The following IFNGR2 variants were observed in gnomAD, a reference collection of about 807,000 sequenced individuals.
IFNGR2 encodes the protein interferon gamma receptor 2.
Under a neutral mutation model 41.1 loss-of-function variants are expected in IFNGR2, and 15 were observed. The observed-to-expected ratio is 0.37, with a 90% CI of 0.24 to 0.56. The LOEUF (loss-of-function observed/expected upper bound fraction) is 0.56, where lower values mean the gene tolerates loss of function less well. IFNGR2 is among the 20% of genes least tolerant of loss of function. The pLI, the probability that IFNGR2 is intolerant of heterozygous loss-of-function variation, is 0.81. For synonymous variants in IFNGR2, 161 were observed against 171.6 expected (o/e 0.94, Z 0.48); for missense variants, 362 against 415.7 (o/e 0.87, Z 1.12).
Position 33,403,435 on chromosome 21 carries a change from CTGCGCGCCCT to C in IFNGR2, c.-108_-99del. 1 of 580,218 alleles carries C rather than the reference CTGCGCGCCCT, an allele frequency of 1.7e-6. No homozygotes were observed. The highest frequency in any genetic ancestry group is 2.3e-6 in the Non-Finnish European group (1 of 442,292). 35.9% of individuals were successfully genotyped at this position (580,218 alleles called of 1,614,324 possible). On this transcript the variant is annotated 5_prime_UTR_variant, in exon 1 of 7. Coordinates refer to ENST00000290219, the MANE Select transcript of IFNGR2 (RefSeq NM_005534.4). The stretch of plus-strand genomic sequence containing the variant: ...GCTGCTGCTCGGGAAGAGGCGGGCC[CTGCGCGCCCT>C]GCGCTCGCCATGGCGGTTTGGGCGG...
chr21:33,423,463 G>A (rs2083811788), intron 3 of IFNGR2, among the ~76,000 whole-genome samples: 1 of 151,858 alleles, frequency 6.6e-6, no homozygotes, highest in Non-Finnish European at 1.5e-5. Flanking sequence ...TGCAGTCTCG[G>A]CTCACTGCAA....
At chr21:33,424,213 ATC>A (rs938302109) in intron 3 of IFNGR2, among the ~76,000 whole-genome samples, 6 of 152,040 alleles carry the variant, frequency 3.9e-5, no homozygotes, top group African/African-American at 1.5e-4. Flanking sequence ...AGGCAGGAGA[ATC>A]TCTTGAACCT....
rs121913219 is a variant in IFNGR2, at chr21:33,436,837, G to A, written c.889G>A (p.Asp297Asn). Residue 297 changes from aspartate (D) to asparagine (N), a missense_variant, in exon 7 of 7, where the codon GAC (aspartate) becomes AAC (asparagine). Coordinates refer to ENST00000290219, the MANE Select transcript of IFNGR2 (RefSeq NM_005534.4). ...IPLQIEEYLK[D>N]PTQPILEALD... ...TTCCAACCTCCTCAAGTATTTAAAA[G>A]ACCCAACTCAGCCCATCTTAGAGGC... 1.4e-5 allele frequency: 22 copies of A among 1,614,036 alleles called. No homozygotes were observed. In the African/African-American group the frequency reaches 2.8e-4, roughly 21 times the overall value.
In IFNGR2 at chr21:33,427,041, A is replaced by G. The variant is rs1384616629; in HGVS notation, c.561+9A>G. The G allele has an allele frequency of 6.2e-7, 1 of 1,608,594 alleles. No individual in the cohort carries two copies. Among genetic ancestry groups the G allele is most frequent in the Non-Finnish European group, 8.5e-7 (1 of 1,175,926 alleles). ...AAGGAGGAATCCAACAGGCAAGAGC[A>G]TCTTTCTTTTTTGTTTGGATTTTCT... On this transcript the variant is annotated intron_variant, in intron 4 of 6. Transcript: ENST00000290219.
intron 1 of IFNGR2, among the ~76,000 whole-genome samples, chr21:33,407,890 T>G (rs2083689782): frequency 7.7e-6 from 1 of 129,220 alleles, no homozygotes; most frequent in African/African-American, 2.9e-5. Flanking sequence ...CCCAAAGTGT[T>G]GGGATTACAG....
chr21:33,432,144 T>A (rs1238323765), intron 4 of IFNGR2, 33 bp from the exon 5 acceptor site: 2 of 1,605,070 alleles, frequency 1.2e-6, no homozygotes, highest in Admixed American at 3.3e-5. Context: ...GCCATGTTCA[T>A]TTACATGTGT....
At chr21:33,422,591 T>C (rs8128683) in intron 3 of IFNGR2, among the ~76,000 whole-genome samples, 3,097 of 152,056 alleles carry the variant, frequency 0.02, 110 homozygotes, top group African/African-American at 0.071. Flanking sequence ...ATAAAAAGAG[T>C]TCCTGCTGGG....
At chr21:33,416,282 A>T (rs2083752497) in intron 2 of IFNGR2, among the ~76,000 whole-genome samples, 1 of 152,220 alleles carries the variant, frequency 6.6e-6, no homozygotes, top group African/African-American at 2.4e-5. Flanking sequence ...TAGGAAAGTG[A>T]CCAATTTTAG....
chr21:33,403,129 G>A (rs1317459460), upstream of IFNGR2: 3 of 150,662 alleles, frequency 2.0e-5, no homozygotes, highest in Non-Finnish European at 4.4e-5. Flanking sequence ...TCCAGGGAAA[G>A]CCCGGGGGTC....
At position 33,403,597 on chromosome 21, in the gene IFNGR2, C is replaced by T. The variant is rs1343634209; in HGVS notation, c.54C>T (p.Ala18=). The T allele has an allele frequency of 5.1e-6, 7 of 1,370,530 alleles. No homozygotes were observed. The East Asian group carries it at 2.2e-4, about 44-fold the overall frequency. The allele number at this position is 1,370,530 out of a possible 1,614,324, so 84.9% of individuals were successfully genotyped here. The change falls in exon 1 of 7, where the codon GCC becomes GCT. Residue 18 remains alanine, a synonymous_variant. Coordinates refer to ENST00000290219, the MANE Select transcript of IFNGR2 (RefSeq NM_005534.4). ...SLLLLLGVFA[A]AAAAPPDPLS... is the part of the protein sequence containing the mutation. ...TGCTGCTGCTCGGAGTCTTCGCCGC[C>T]GCCGCCGCGGCCCCGCCAGGTGAGC...
intron 1 of IFNGR2, among the ~76,000 whole-genome samples, chr21:33,411,124 C>T (rs1300167582): frequency 6.6e-6 from 1 of 152,204 alleles, no homozygotes; most frequent in Non-Finnish European, 1.5e-5. Context: ...GACTGATTTT[C>T]TTCTATAAAT....
intron 1 of IFNGR2, chr21:33,411,479 G>T (rs1379033747): frequency 4.2e-6 from 2 of 470,838 alleles, no homozygotes; most frequent in Non-Finnish European, 8.8e-6. Context: ...GTGGAGGGCG[G>T]AATAATGGTC....
At chr21:33,432,967 C>A (rs767753849) in intron 6 of IFNGR2, 96 bp downstream of exon 6, 1 of 1,016,728 alleles carries the variant, frequency 9.8e-7, no homozygotes, top group Non-Finnish European at 1.5e-6. Context: ...CTCACTGCAG[C>A]CTCCATCTCC....
intron 3 of IFNGR2, among the ~76,000 whole-genome samples, chr21:33,425,758 G>T (rs1378696266): frequency 1.3e-5 from 2 of 152,146 alleles, no homozygotes; most frequent in Non-Finnish European, 2.9e-5. Context: ...CAAATGAGGG[G>T]GCACAACTAC....
intron 3 of IFNGR2, among the ~76,000 whole-genome samples, chr21:33,424,015 T>C (rs2083816057): frequency 2.0e-5 from 3 of 152,036 alleles, no homozygotes; most frequent in Admixed American, 1.3e-4. Flanking sequence ...AAACAAGTAA[T>C]GATGGCTGGG....
At chr21:33,407,495 C>G (rs550758560) in intron 1 of IFNGR2, among the ~76,000 whole-genome samples, 1 of 152,212 alleles carries the variant, frequency 6.6e-6, no homozygotes, top group Non-Finnish European at 1.5e-5. Context: ...TTTTCTCAGC[C>G]ATTCTTTCGA....
chr21:33,429,206 C>G (rs1213525144), intron 4 of IFNGR2, among the ~76,000 whole-genome samples: 2 of 152,122 alleles, frequency 1.3e-5, no homozygotes, highest in Non-Finnish European at 2.9e-5. Flanking sequence ...CTTCCATGAT[C>G]AAAAGGTTCA....
intron 4 of IFNGR2, among the ~76,000 whole-genome samples, chr21:33,431,502 G>A (rs190579640): frequency 1.1e-4 from 16 of 152,286 alleles, no homozygotes; most frequent in South Asian, 2.1e-4. Flanking sequence ...CCTGGGAGGC[G>A]GAGGTTGCAG....
chr21:33,429,567 CT>C (rs2083868349), intron 4 of IFNGR2, among the ~76,000 whole-genome samples: 1 of 152,154 alleles, frequency 6.6e-6, no homozygotes, highest in Admixed American at 6.5e-5. Context: ...TCCAGGAGCC[CT>C]TCCTGAGCTG....
Sources: allele counts gnomAD v4.1 joint callset (sites outside exome capture counted in the v4.1 genomes callset), GRCh38; gene constraint gnomAD v4.1.1; transcripts MANE v1.5; gene names NCBI Gene and HGNC (gene_info 2026-07-23, HGNC 2026-07-21).